Variants in ZNF892 observed in about 807,000 individuals in gnomAD.
The protein encoded by ZNF892 is zinc finger protein 570-like.
the ZNF892 span, among the ~76,000 whole-genome samples, chr2:95,227,789 T>C: frequency 6.6e-6 from 1 of 152,056 alleles, no homozygotes; most frequent in Admixed American, 6.6e-5. Context: ...AGTGATTTTT[T>C]TTTTTCTTTG....
chr2:95,210,091 ATATATGTGTG>A, the ZNF892 span, among the ~76,000 whole-genome samples: 86 of 151,036 alleles, frequency 5.7e-4, 1 homozygote, highest in South Asian at 0.015. Context: ...ATATATGTAT[ATATATGTGTG>A]TATATGTGTG....
the ZNF892 span, among the ~76,000 whole-genome samples, chr2:95,256,427 C>G: frequency 6.6e-6 from 1 of 152,208 alleles, no homozygotes; most frequent in Admixed American, 6.5e-5. Context: ...TGTAGAGTTT[C>G]TGCCGAGAGA....
the ZNF892 span, among the ~76,000 whole-genome samples, chr2:95,207,139 G>C: frequency 2.6e-5 from 4 of 152,188 alleles, no homozygotes; most frequent in Non-Finnish European, 5.9e-5. Context: ...CCTCTGTGTT[G>C]GCCACGAAGG....
chr2:95,222,556 A>G, the ZNF892 span, among the ~76,000 whole-genome samples: 4,384 of 152,188 alleles, frequency 0.029, 227 homozygotes, highest in African/African-American at 0.1. Context: ...TGTGGCTTCA[A>G]TTTGCATTTC....
chr2:95,248,941 T>TATTG, the ZNF892 span, among the ~76,000 whole-genome samples: 89 of 151,912 alleles, frequency 5.9e-4, no homozygotes, highest in Admixed American at 1.6e-3. Context: ...TTGCATACCT[T>TATTG]ATTGATTGAT....
chr2:95,213,912 A>G, the ZNF892 span, among the ~76,000 whole-genome samples: 1 of 152,206 alleles, frequency 6.6e-6, no homozygotes, highest in Non-Finnish European at 1.5e-5. Flanking sequence ...GCATGAAATG[A>G]TAAGGCTCTG....
chr2:95,215,085 C>A, the ZNF892 span: 1 of 499,968 alleles, frequency 2.0e-6, no homozygotes. Context: ...CCTTACCCAG[C>A]ATCAGGTCAT....
the ZNF892 span, among the ~76,000 whole-genome samples, chr2:95,260,608 A>G: frequency 2.6e-5 from 4 of 152,174 alleles, no homozygotes; most frequent in Non-Finnish European, 4.4e-5. Flanking sequence ...GCCAGTCTCC[A>G]TGGAAACCTT....
At chr2:95,242,482 T>C in the ZNF892 span, among the ~76,000 whole-genome samples, 1 of 152,134 alleles carries the variant, frequency 6.6e-6, no homozygotes, top group African/African-American at 2.4e-5. Context: ...TTGCAAGAGC[T>C]TCTGAGGGAA....
chr2:95,230,108 T>C, the ZNF892 span, among the ~76,000 whole-genome samples: 2 of 152,116 alleles, frequency 1.3e-5, no homozygotes, highest in Admixed American at 6.5e-5. Flanking sequence ...CTAAGCGAAG[T>C]AACTCAGGAA....
the ZNF892 span, among the ~76,000 whole-genome samples, chr2:95,237,314 AT>A: frequency 1.3e-5 from 2 of 151,966 alleles, no homozygotes; most frequent in African/African-American, 4.8e-5. Flanking sequence ...TGCCTGGCTA[AT>A]TTTTGTACGT....
the ZNF892 span, among the ~76,000 whole-genome samples, chr2:95,220,605 C>T: frequency 1.1e-4 from 16 of 152,122 alleles, no homozygotes; most frequent in Non-Finnish European, 1.6e-4. Context: ...CCACCTTTCC[C>T]GTGACATCCT....
At chr2:95,230,628 G>A in the ZNF892 span, among the ~76,000 whole-genome samples, 39 of 152,246 alleles carry the variant, frequency 2.6e-4, no homozygotes, top group African/African-American at 6.0e-4. Flanking sequence ...GCAGACCCCC[G>A]CGCTGGCTCC....
chr2:95,241,287 G>A, the ZNF892 span, among the ~76,000 whole-genome samples: 1 of 152,242 alleles, frequency 6.6e-6, no homozygotes, highest in East Asian at 1.9e-4. Flanking sequence ...AGAGTAAAGA[G>A]CAGGCTGCCA....
chr2:95,239,520 C>T, the ZNF892 span, among the ~76,000 whole-genome samples: 1 of 152,112 alleles, frequency 6.6e-6, no homozygotes, highest in Non-Finnish European at 1.5e-5. Context: ...TCACAGCCAC[C>T]CCAACCTTCA....
chr2:95,212,183 C>T, the ZNF892 span: 1 of 398,456 alleles, frequency 2.5e-6, no homozygotes. Flanking sequence ...TTTTCTTTCC[C>T]TATGAATAGG....
the ZNF892 span, among the ~76,000 whole-genome samples, chr2:95,229,379 C>G: frequency 6.6e-6 from 1 of 152,134 alleles, no homozygotes; most frequent in Non-Finnish European, 1.5e-5. Context: ...ACCATACAGA[C>G]CCTTTTCATT....
chr2:95,226,743 C>A, the ZNF892 span, among the ~76,000 whole-genome samples: 1 of 152,202 alleles, frequency 6.6e-6, no homozygotes, highest in African/African-American at 2.4e-5. Flanking sequence ...TCCCAACTCT[C>A]ATCACCAAGT....
At chr2:95,207,023 G>A in the ZNF892 span, among the ~76,000 whole-genome samples, 1 of 152,356 alleles carries the variant, frequency 6.6e-6, no homozygotes, top group East Asian at 1.9e-4. Flanking sequence ...TCTTGGAGAC[G>A]TGGCCGTTTT....
Sources: gnomAD v4.1 joint callset for allele counts (sites outside exome capture counted in the v4.1 genomes callset) on GRCh38, gnomAD v4.1.1 for gene constraint, MANE v1.5 for transcripts, NCBI Gene and HGNC (gene_info 2026-07-23, HGNC 2026-07-21) for gene names.